Variants in NR3C2 observed in about 807,000 individuals in gnomAD.
NR3C2 encodes nuclear receptor subfamily 3 group C member 2.
Under a neutral mutation model 86.4 loss-of-function variants are expected in NR3C2, and 15 were observed. The observed-to-expected ratio is 0.17, with a 90% CI of 0.12 to 0.27. The LOEUF is 0.27. Among genes scored for constraint, NR3C2 ranks in the 10% least tolerant of loss-of-function variants. The probability of loss-of-function intolerance (pLI) is 1.00; values close to 1 mark genes in which losing one functional copy is unlikely to be tolerated. For missense variants in NR3C2, 960 were observed against 1,195.6 expected, an observed-to-expected ratio of 0.80 and a Z score of 2.91; for synonymous variants, 458 against 450.5, an observed-to-expected ratio of 1.02 and a Z score of -0.21.
At chr4:148,393,915 C>G (rs1294020101) in intron 2 of NR3C2, among the ~76,000 whole-genome samples, 1 of 152,158 alleles carries the variant, frequency 6.6e-6, no homozygotes, top group African/African-American at 2.4e-5. Context: ...ATTTCCCACC[C>G]CTTGTGTCTT....
chr4:148,294,160 C>G (rs1741927782), intron 2 of NR3C2, among the ~76,000 whole-genome samples: 1 of 152,154 alleles, frequency 6.6e-6, no homozygotes, highest in African/African-American at 2.4e-5. Context: ...TTCCACTTAG[C>G]AATACGTGAT....
intron 3 of NR3C2, among the ~76,000 whole-genome samples, chr4:148,252,493 C>T (rs1739626582): frequency 6.6e-6 from 1 of 152,194 alleles, no homozygotes; most frequent in Non-Finnish European, 1.5e-5. Flanking sequence ...AAAACCACTA[C>T]TTAAGTCTAT....
chr4:148,160,135 T>C (rs1164559334), intron 4 of NR3C2, among the ~76,000 whole-genome samples: 1 of 152,166 alleles, frequency 6.6e-6, no homozygotes, highest in Admixed American at 6.5e-5. Context: ...CTCAGGTGCC[T>C]AGTCCTTAAT....
At chr4:148,206,289 C>T (rs1205004604) in intron 3 of NR3C2, among the ~76,000 whole-genome samples, 1 of 152,162 alleles carries the variant, frequency 6.6e-6, no homozygotes, top group Non-Finnish European at 1.5e-5. Context: ...ATGAGAAAAG[C>T]CAACGCCATC....
At chr4:148,387,961 T>C (rs2126477800) in intron 2 of NR3C2, among the ~76,000 whole-genome samples, 1 of 152,348 alleles carries the variant, frequency 6.6e-6, no homozygotes, top group South Asian at 2.1e-4. Flanking sequence ...CTGGTCAGAA[T>C]ATGAACACAT....
chr4:148,168,356 A>C (rs191730904), intron 4 of NR3C2, among the ~76,000 whole-genome samples: 1 of 152,356 alleles, frequency 6.6e-6, no homozygotes, highest in Non-Finnish European at 1.5e-5. Flanking sequence ...AGAGAATGAG[A>C]GCCTTCTAGA....
intron 2 of NR3C2, among the ~76,000 whole-genome samples, chr4:148,357,633 T>A (rs2149999529): frequency 6.6e-6 from 1 of 152,296 alleles, no homozygotes. Context: ...AATACCAACA[T>A]GACAAGCTTT....
At chr4:148,394,892 A>G (rs942444256) in intron 2 of NR3C2, among the ~76,000 whole-genome samples, 2 of 152,218 alleles carry the variant, frequency 1.3e-5, no homozygotes, top group African/African-American at 2.4e-5. Flanking sequence ...TGCTGAAAAT[A>G]TAATCTGGTT....
intron 7 of NR3C2, among the ~76,000 whole-genome samples, chr4:148,114,771 T>C (rs924832650): frequency 5.3e-5 from 8 of 152,174 alleles, no homozygotes; most frequent in African/African-American, 1.4e-4. Context: ...TGAAGAGCCA[T>C]AGACAATCTA....
At chr4:148,385,689 C>T (rs1426033152) in intron 2 of NR3C2, among the ~76,000 whole-genome samples, 1 of 152,088 alleles carries the variant, frequency 6.6e-6, no homozygotes, top group Non-Finnish European at 1.5e-5. Context: ...ATTTCATCAT[C>T]CTAAACAAGA....
At chr4:148,366,369 C>A (rs1746112507) in intron 2 of NR3C2, among the ~76,000 whole-genome samples, 2 of 4,204 alleles carry the variant, frequency 4.8e-4, no homozygotes, top group South Asian at 9.4e-3. Context: ...CTCTACCAAG[C>A]ATACCAAGGT....
chr4:148,274,227 G>A (rs73855939), intron 2 of NR3C2, among the ~76,000 whole-genome samples: 6,662 of 152,254 alleles, frequency 0.044, 473 homozygotes, highest in African/African-American at 0.15. Flanking sequence ...AAGAACAAAT[G>A]GTGTTCAAAA....
chr4:148,108,928 G>T (rs1731925132), intron 8 of NR3C2, among the ~76,000 whole-genome samples: 1 of 152,200 alleles, frequency 6.6e-6, no homozygotes, highest in Non-Finnish European at 1.5e-5. Flanking sequence ...GAGCGCCGGA[G>T]GGTGGTGCAG....
chr4:148,134,641 C>CTTT lies in NR3C2; in HGVS notation c.2511-14354_2511-14353insAAA, dbSNP rs1379133428. 4.7e-3 allele frequency among the ~76,000 whole-genome samples: 286 copies of CTTT among 60,928 alleles called. 37 individuals are homozygous for CTTT. Among genetic ancestry groups the CTTT allele is most frequent in the African/African-American group, 0.016 (255 of 16,232 alleles). 40.0% of individuals were successfully genotyped at this position (60,928 alleles called of 152,430 possible). A position where few individuals can be genotyped will look rare whatever the true frequency, so the allele number is the denominator to read the frequency against. On this transcript the variant is annotated intron_variant, in intron 6 of 8. Coordinates refer to ENST00000358102, the MANE Select transcript of NR3C2 (RefSeq NM_000901.5). ...TCCCTGTGATTCTCTCTCTCTCTCT[C>CTTT]TCTTTTTTTTTTTTTTTTTTTTTTT...
At chr4:148,244,287 T>C (rs1261590857) in intron 3 of NR3C2, among the ~76,000 whole-genome samples, 2 of 152,216 alleles carry the variant, frequency 1.3e-5, no homozygotes, top group South Asian at 2.1e-4. Context: ...CAGGTATTTC[T>C]AGGAAAAACT....
chr4:148,347,261 G>GT (rs11386118), intron 2 of NR3C2, among the ~76,000 whole-genome samples: 146,603 of 152,108 alleles, frequency 0.96, 70,865 homozygotes, highest in East Asian at 1. Flanking sequence ...CAACTGGCAT[G>GT]TATTTTAAAT....
chr4:148,378,328 T>G (rs1224545627), intron 2 of NR3C2, among the ~76,000 whole-genome samples: 1 of 151,610 alleles, frequency 6.6e-6, no homozygotes, highest in Non-Finnish European at 1.5e-5. Context: ...GCAGAAGAAC[T>G]GGGCAACAGT....
chr4:148,426,694 A>G (rs1427061019), intron 2 of NR3C2, among the ~76,000 whole-genome samples: 3 of 152,218 alleles, frequency 2.0e-5, no homozygotes, highest in Non-Finnish European at 4.4e-5. Flanking sequence ...ACTGTACTTG[A>G]GTCACTACAT....
At chr4:148,117,099 G>A (rs140454976) in intron 7 of NR3C2, among the ~76,000 whole-genome samples, 40 of 152,290 alleles carry the variant, frequency 2.6e-4, no homozygotes, top group Middle Eastern at 3.4e-3. Flanking sequence ...GGAGCAGGAG[G>A]ACAACCCTGC....
Sources: gnomAD v4.1 joint callset for allele counts (sites outside exome capture counted in the v4.1 genomes callset) on GRCh38, gnomAD v4.1.1 for gene constraint, MANE v1.5 for transcripts, NCBI Gene and HGNC (gene_info 2026-07-23, HGNC 2026-07-21) for gene names.